AATF: variants seen among roughly 807,000 people sequenced by gnomAD.
AATF encodes apoptosis antagonizing transcription factor.
Under a neutral mutation model 63.7 loss-of-function variants are expected in AATF, and 48 were observed. The observed-to-expected ratio is 0.75, with a 90% CI of 0.60 to 0.96. The LOEUF is 0.96. Ranked by LOEUF, AATF falls within the 40% of genes least tolerant of loss-of-function variation. The pLI is 0.00. For synonymous variants in AATF, 258 were observed against 247.7 expected (o/e 1.04, Z -0.39); for missense variants, 639 against 685.7 (o/e 0.93, Z 0.76).
intron 11 of AATF, chr17:37,052,913 AAC>A (rs1450109377): frequency 6.6e-6 from 1 of 152,232 alleles, no homozygotes; most frequent in African/African-American, 2.4e-5. Flanking sequence ...ATCGCTGGAG[AAC>A]ACGAGTTGAA....
chr17:36,952,745 G>A (rs774871832), intron 2 of AATF, 141 bp from the exon 3 acceptor site: 52 of 1,427,240 alleles, frequency 3.6e-5, no homozygotes, highest in Non-Finnish European at 4.6e-5. Flanking sequence ...TTGTAGATGT[G>A]TAATAAATAT....
chr17:37,018,831 T>C lies in AATF; in HGVS notation c.1399-174T>C, dbSNP rs117955812. On this transcript the variant is annotated intron_variant, in intron 8 of 11. Transcript: ENST00000619387. ...TGCTATAGCCACCTTTTTAAAGATA[T>C]ATAACTATGAAAGCGTTAACGGGAA... 9.3e-4 allele frequency: 568 copies of C among 610,224 alleles called. 12 individuals carry two copies. In the East Asian group the frequency reaches 0.015, roughly 16 times the overall value. 37.8% of individuals were successfully genotyped at this position (610,224 alleles called of 1,614,324 possible). A position where few individuals can be genotyped will look rare whatever the true frequency, so the allele number is the denominator to read the frequency against.
intron 4 of AATF, among the ~76,000 whole-genome samples, chr17:36,964,860 C>G (rs1029656961): frequency 1.4e-5 from 2 of 142,850 alleles, no homozygotes; most frequent in African/African-American, 5.1e-5. Flanking sequence ...GCTGGTTGTT[C>G]TCTAGGAGTA....
intron 8 of AATF, among the ~76,000 whole-genome samples, chr17:37,007,139 C>T (rs990623342): frequency 5.9e-5 from 9 of 152,138 alleles, no homozygotes; most frequent in Non-Finnish European, 1.0e-4. Context: ...GGCTGCTTTT[C>T]ATGCTTGTTG....
chr17:37,010,044 G>C (rs2071378234), intron 8 of AATF, among the ~76,000 whole-genome samples: 1 of 152,138 alleles, frequency 6.6e-6, no homozygotes, highest in South Asian at 2.1e-4. Context: ...ATGGTGCCCT[G>C]GATTAGAGCC....
chr17:37,051,632 TAA>T (rs1047024336), intron 11 of AATF, among the ~76,000 whole-genome samples: 8 of 152,036 alleles, frequency 5.3e-5, no homozygotes, highest in African/African-American at 1.9e-4. Flanking sequence ...GTGCATACTT[TAA>T]GTCTCTTCAG....
At position 37,035,123 on chromosome 17, in the gene AATF, A is replaced by T. The variant is rs181190267; in HGVS notation, c.1619+3438A>T. Among the ~76,000 whole-genome samples the T allele has an allele frequency of 5.6e-3, 824 of 146,444 alleles. 3 individuals are homozygous for T. Among genetic ancestry groups the T allele is most frequent in the African/African-American group, 0.018 (744 of 40,342 alleles). On this transcript the variant is annotated intron_variant, in intron 11 of 11. Transcript: ENST00000619387. ...TGGGCGACAGAATGAGACTCCATTT[A>T]AAAAAAAAAAATCAAAAAAGAAAAA...
At chr17:36,986,783 TC>T (rs746438197) in intron 5 of AATF, 52 bp downstream of exon 5, 2 of 1,448,756 alleles carry the variant, frequency 1.4e-6, no homozygotes, top group Non-Finnish European at 1.9e-6. Flanking sequence ...TTGGATAGTT[TC>T]CCATCATTTA....
intron 11 of AATF, among the ~76,000 whole-genome samples, chr17:37,038,456 G>A (rs2071610364): frequency 6.6e-6 from 1 of 152,182 alleles, no homozygotes; most frequent in African/African-American, 2.4e-5. Flanking sequence ...GGTTTTGGCT[G>A]TCAGGATGGA....
At chr17:36,985,539 AG>A (rs2071162104) in intron 4 of AATF, among the ~76,000 whole-genome samples, 1 of 146,390 alleles carries the variant, frequency 6.8e-6, no homozygotes, top group Non-Finnish European at 1.5e-5. Flanking sequence ...CCCGAGGACC[AG>A]TTTTTTTTGT....
intron 4 of AATF, among the ~76,000 whole-genome samples, chr17:36,968,823 T>C (rs1354925882): frequency 6.6e-6 from 1 of 152,100 alleles, no homozygotes; most frequent in Non-Finnish European, 1.5e-5. Flanking sequence ...TCTTGCTGTG[T>C]TGCCCAGGCT....
intron 11 of AATF, among the ~76,000 whole-genome samples, chr17:37,046,423 G>C (rs1195614342): frequency 6.6e-5 from 10 of 152,042 alleles, no homozygotes; most frequent in Non-Finnish European, 1.3e-4. Flanking sequence ...TTGAACGCTC[G>C]GGGGGAGACT....
At chr17:37,007,389 C>G (rs1012902268) in intron 8 of AATF, among the ~76,000 whole-genome samples, 8 of 119,904 alleles carry the variant, frequency 6.7e-5, no homozygotes, top group Non-Finnish European at 1.3e-4. Flanking sequence ...TTTTTTTTAG[C>G]GACAGGTTCT....
chr17:37,052,071 G>A (rs187055044), intron 11 of AATF, among the ~76,000 whole-genome samples: 27 of 152,216 alleles, frequency 1.8e-4, no homozygotes, highest in Admixed American at 1.6e-3. Context: ...CAGCATGAAC[G>A]CATTGTCTAC....
intron 9 of AATF, among the ~76,000 whole-genome samples, chr17:37,020,450 G>C (rs1223123818): frequency 6.6e-6 from 1 of 152,066 alleles, no homozygotes; most frequent in Non-Finnish European, 1.5e-5. Context: ...TTAAAAACTA[G>C]TATCAGTAGT....
At chr17:37,029,313 G>A (rs141793738) in intron 10 of AATF, among the ~76,000 whole-genome samples, 2,495 of 151,670 alleles carry the variant, frequency 0.016, 25 homozygotes, top group Non-Finnish European at 0.022. Flanking sequence ...GCCTGATCTC[G>A]GCTCACTGCA....
At chr17:36,964,172 T>C (rs1373382511) in intron 4 of AATF, among the ~76,000 whole-genome samples, 6 of 97,534 alleles carry the variant, frequency 6.2e-5, no homozygotes, top group African/African-American at 1.8e-4. Context: ...GTGTTTTGCT[T>C]TTTTTTTTTT....
At chr17:37,055,566 A>G (rs73982210) in intron 11 of AATF, 2,160 of 152,310 alleles carry the variant, frequency 0.014, 53 homozygotes, top group African/African-American at 0.05. Flanking sequence ...GCAGGCTGGA[A>G]TTTGAGTTCC....
chr17:36,968,054 T>C (rs2071005805), intron 4 of AATF, among the ~76,000 whole-genome samples: 2 of 151,800 alleles, frequency 1.3e-5, no homozygotes, highest in Admixed American at 6.6e-5. Flanking sequence ...TGTTTTTTAC[T>C]ATCTCCCCTG....
Sources: allele counts gnomAD v4.1 joint callset (sites outside exome capture counted in the v4.1 genomes callset), GRCh38; gene constraint gnomAD v4.1.1; transcripts MANE v1.5; gene names NCBI Gene and HGNC (gene_info 2026-07-23, HGNC 2026-07-21).